The following PDE3A variants were observed in gnomAD, a reference collection of about 807,000 sequenced individuals.
PDE3A encodes phosphodiesterase 3A.
PDE3A carries 43 observed loss-of-function variants against 98.3 expected under a neutral mutation model. The observed-to-expected ratio is 0.44, with a 90% CI of 0.34 to 0.56. PDE3A has a LOEUF of 0.56. Among genes scored for constraint, PDE3A ranks in the 20% least tolerant of loss-of-function variants. PDE3A has a pLI of 0.01. For synonymous variants in PDE3A, 663 were observed against 567.9 expected, an observed-to-expected ratio of 1.17 and a Z score of -2.38; for missense variants, 1,427 against 1,440.7, an observed-to-expected ratio of 0.99 and a Z score of 0.15.
intron 1 of PDE3A, among the ~76,000 whole-genome samples, chr12:20,494,524 A>ATGTG (rs1565567227): frequency 6.6e-6 from 1 of 151,822 alleles, no homozygotes; most frequent in African/African-American, 2.4e-5. Context: ...CGTGAGTGTT[A>ATGTG]TGTATGTGTG....
At chr12:20,545,241 G>A (rs995942539) in intron 1 of PDE3A, among the ~76,000 whole-genome samples, 14 of 152,008 alleles carry the variant, frequency 9.2e-5, no homozygotes, top group African/African-American at 3.4e-4. Flanking sequence ...TGTGATAACA[G>A]GGACAGATAC....
chr12:20,573,885 T>TA (rs1942865108), intron 2 of PDE3A, among the ~76,000 whole-genome samples: 1 of 152,082 alleles, frequency 6.6e-6, no homozygotes, highest in African/African-American at 2.4e-5. Context: ...AACAGTCTTG[T>TA]AAATGTGCAG....
chr12:20,662,699 G>A (rs1945204603), intron 15 of PDE3A, among the ~76,000 whole-genome samples: 1 of 151,954 alleles, frequency 6.6e-6, no homozygotes, highest in Non-Finnish European at 1.5e-5. Context: ...TATGTATTCA[G>A]AAAGACATGG....
chr12:20,527,366 G>T (rs1382478663), intron 1 of PDE3A, among the ~76,000 whole-genome samples: 1 of 152,160 alleles, frequency 6.6e-6, no homozygotes, highest in Non-Finnish European at 1.5e-5. Flanking sequence ...TATAGTGAAT[G>T]ATAATGTTTG....
chr12:20,371,622 A>G (rs1170174596), intron 1 of PDE3A: 1 of 169,270 alleles, frequency 5.9e-6, no homozygotes, highest in Admixed American at 6.5e-5. Flanking sequence ...TATTGAGCAG[A>G]GTAGATGACA....
At chr12:20,588,631 CTA>C (rs1943245043) in intron 2 of PDE3A, among the ~76,000 whole-genome samples, 2 of 1,064 alleles carry the variant, frequency 1.9e-3, no homozygotes, top group Non-Finnish European at 0.028. Context: ...CCTGAGCATA[CTA>C]CAAACAAACA....
intron 2 of PDE3A, among the ~76,000 whole-genome samples, chr12:20,610,898 G>T (rs1445781175): frequency 1.3e-5 from 2 of 151,874 alleles, no homozygotes; most frequent in Non-Finnish European, 2.9e-5. Flanking sequence ...TCAGGGGAAG[G>T]GTCAGGAAAT....
chr12:20,608,230 T>A (rs1282127567), intron 2 of PDE3A, among the ~76,000 whole-genome samples: 3 of 152,214 alleles, frequency 2.0e-5, no homozygotes, highest in Admixed American at 1.3e-4. Flanking sequence ...TTGTTGGTTT[T>A]AAATTGCATG....
intron 2 of PDE3A, among the ~76,000 whole-genome samples, chr12:20,585,917 G>A (rs1943184825): frequency 6.6e-6 from 1 of 152,158 alleles, no homozygotes; most frequent in Admixed American, 6.5e-5. Context: ...AGACACTGCG[G>A]ATACAAAGGT....
intron 1 of PDE3A, among the ~76,000 whole-genome samples, chr12:20,545,460 A>G (rs1942025883): frequency 6.6e-6 from 1 of 152,038 alleles, no homozygotes; most frequent in Non-Finnish European, 1.5e-5. Flanking sequence ...AGTATCAATC[A>G]AGTGGATGGA....
At chr12:20,597,365 G>T (rs1353150746) in intron 2 of PDE3A, among the ~76,000 whole-genome samples, 3 of 152,170 alleles carry the variant, frequency 2.0e-5, no homozygotes, top group Non-Finnish European at 4.4e-5. Flanking sequence ...TAAGACTTAG[G>T]TGTTGGATCT....
At chr12:20,447,601 C>G (rs1186915717) in intron 1 of PDE3A, among the ~76,000 whole-genome samples, 1 of 152,194 alleles carries the variant, frequency 6.6e-6, no homozygotes, top group Non-Finnish European at 1.5e-5. Flanking sequence ...GGTACAACCA[C>G]CCAGGGAGGA....
chr12:20,544,572 T>G (rs1022424066), intron 1 of PDE3A, among the ~76,000 whole-genome samples: 96 of 151,920 alleles, frequency 6.3e-4, no homozygotes, highest in African/African-American at 2.2e-3. Flanking sequence ...ATGAATATAC[T>G]TCAGTACGAA....
chr12:20,455,402 T>C (rs575612275), intron 1 of PDE3A, among the ~76,000 whole-genome samples: 1 of 152,354 alleles, frequency 6.6e-6, no homozygotes, highest in Non-Finnish European at 1.5e-5. Flanking sequence ...TCCCATTCTG[T>C]AGATTGTCTG....
At chr12:20,461,210 A>T (rs538323666) in intron 1 of PDE3A, among the ~76,000 whole-genome samples, 1 of 136,026 alleles carries the variant, frequency 7.4e-6, no homozygotes, top group African/African-American at 2.8e-5. Context: ...AACAGAGAGC[A>T]GGCCTCAGGC....
chr12:20,625,425 A>T (rs1944238811), intron 5 of PDE3A, among the ~76,000 whole-genome samples: 1 of 152,172 alleles, frequency 6.6e-6, no homozygotes, highest in African/African-American at 2.4e-5. Context: ...ATATCTCTAC[A>T]CCTATAATCT....
intron 1 of PDE3A, among the ~76,000 whole-genome samples, chr12:20,456,723 G>A (rs1945159019): frequency 6.6e-6 from 1 of 152,120 alleles, no homozygotes; most frequent in Admixed American, 6.6e-5. Context: ...TAGTGATTTG[G>A]TTATTTCAGT....
intron 5 of PDE3A, among the ~76,000 whole-genome samples, chr12:20,627,412 C>T (rs1266973514): frequency 7.0e-6 from 1 of 142,520 alleles, no homozygotes; most frequent in Non-Finnish European, 1.5e-5. Context: ...TTCCCTGCCC[C>T]TCTTTTTGCT....
chr12:20,483,603 G>A (rs1565563723), intron 1 of PDE3A, among the ~76,000 whole-genome samples: 1 of 152,136 alleles, frequency 6.6e-6, no homozygotes, highest in African/African-American at 2.4e-5. Context: ...TTATTAAAAT[G>A]TAAAGCACAT....
Sources: allele counts gnomAD v4.1 joint callset (sites outside exome capture counted in the v4.1 genomes callset), GRCh38; gene constraint gnomAD v4.1.1; transcripts MANE v1.5; gene names NCBI Gene and HGNC (gene_info 2026-07-23, HGNC 2026-07-21).